Variants in BPIFA2 observed in about 807,000 individuals in gnomAD.
BPIFA2 encodes BPI fold containing family A member 2.
Under a neutral mutation model 25.7 loss-of-function variants are expected in BPIFA2, and 20 were observed. The ratio of observed to expected loss-of-function variants is 0.78; its 90% CI spans 0.55 to 1.13. The LOEUF is 1.13. BPIFA2 is among the 50% of genes most tolerant of loss of function. The pLI, the probability that BPIFA2 is intolerant of heterozygous loss-of-function variation, is 0.00. For synonymous variants in BPIFA2, 126 were observed against 124.3 expected (o/e 1.01, Z -0.09); for missense variants, 300 against 298.1 (o/e 1.01, Z -0.05).
At chr20:33,176,920 G>A (rs1220830335) in intron 5 of BPIFA2, among the ~76,000 whole-genome samples, 2 of 152,150 alleles carry the variant, frequency 1.3e-5, no homozygotes, top group Non-Finnish European at 2.9e-5. Flanking sequence ...CCACTTTGAT[G>A]GACTTTTGCA....
intron 6 of BPIFA2, 92 bp from the exon 7 acceptor site, chr20:33,179,512 G>C (rs1984198237): frequency 6.9e-6 from 7 of 1,018,330 alleles, no homozygotes; most frequent in Non-Finnish European, 1.1e-5. Context: ...GAGCTCATCT[G>C]TGGGTGGCAA....
chr20:33,178,017 G>T, intron 5 of BPIFA2, 130 bp from the exon 6 acceptor site: 1 of 612,890 alleles, frequency 1.6e-6, no homozygotes. Flanking sequence ...GGCTCTGTCT[G>T]TTAAAGTGTC....
chr20:33,162,733 G>A (rs1983616500), intron 1 of BPIFA2, among the ~76,000 whole-genome samples: 1 of 152,144 alleles, frequency 6.6e-6, no homozygotes, highest in Non-Finnish European at 1.5e-5. Flanking sequence ...CCCAAATTGA[G>A]GTCTGGCTGG....
chr20:33,176,202 A>C (rs1984070875), intron 5 of BPIFA2, among the ~76,000 whole-genome samples: 1 of 152,246 alleles, frequency 6.6e-6, no homozygotes, highest in Non-Finnish European at 1.5e-5. Context: ...TCCTGAAAGG[A>C]GATCTTGAAA....
chr20:33,167,468 T>A (rs1170263543), upstream of BPIFA2, among the ~76,000 whole-genome samples: 1 of 152,224 alleles, frequency 6.6e-6, no homozygotes, highest in East Asian at 1.9e-4. Context: ...GCCTGGTTCC[T>A]GTCCTTGCAA....
At chr20:33,172,862 C>G in intron 2 of BPIFA2, 70 bp from the exon 3 acceptor site, 1 of 1,523,708 alleles carries the variant, frequency 6.6e-7, no homozygotes, top group South Asian at 1.2e-5. Flanking sequence ...AACAGTCTTA[C>G]CCGGTACCTG....
chr20:33,167,065 C>T (rs1983748034), upstream of BPIFA2, among the ~76,000 whole-genome samples: 1 of 152,242 alleles, frequency 6.6e-6, no homozygotes, highest in African/African-American at 2.4e-5. Flanking sequence ...CTGCAGCCGC[C>T]CAGCTCTGTG....
chr20:33,166,581 G>A (rs539037149), upstream of BPIFA2, among the ~76,000 whole-genome samples: 1 of 152,308 alleles, frequency 6.6e-6, no homozygotes, highest in East Asian at 1.9e-4. Flanking sequence ...GGCTCAGCAA[G>A]GTGCGGTCTC....
At chr20:33,164,562 TTTC>T (rs1983669276), upstream of BPIFA2, among the ~76,000 whole-genome samples, 2 of 125,622 alleles carry the variant, frequency 1.6e-5, no homozygotes, top group Admixed American at 7.2e-5. Context: ...CCTCTCTCTC[TTTC>T]TTTCTTTCTT....
chr20:33,177,064 T>C (rs1984103471), intron 5 of BPIFA2, among the ~76,000 whole-genome samples: 1 of 152,150 alleles, frequency 6.6e-6, no homozygotes, highest in Non-Finnish European at 1.5e-5. Flanking sequence ...CAGCCAAAAA[T>C]GTATTGAGGC....
chr20:33,168,283 G>A (rs1394973251), intron 1 of BPIFA2, 74 bp downstream of exon 1: 3 of 152,254 alleles, frequency 2.0e-5, no homozygotes, highest in African/African-American at 7.2e-5. Context: ...GAGGCAGAGG[G>A]GTGGGATTGC....
chr20:33,170,026 C>A lies in BPIFA2; in HGVS notation c.157+724C>A, dbSNP rs1285691094. 2.6e-5 allele frequency among the ~76,000 whole-genome samples: 4 copies of A among 152,176 alleles called. 1 individual carries two copies. Among genetic ancestry groups the A allele is most frequent in the Non-Finnish European group, 5.9e-5 (4 of 68,036 alleles). On this transcript the variant is annotated intron_variant, in intron 2 of 8. Coordinates refer to ENST00000354932, the MANE Select transcript of BPIFA2 (RefSeq NM_080574.4). ...AAACAGTTTTTGTAGGAGGAGGTAA[C>A]TTCTGCAAATGGCTGCCTTTCAAAC...
At chr20:33,162,427 G>C (rs1568604854) in intron 1 of BPIFA2, among the ~76,000 whole-genome samples, 1 of 152,206 alleles carries the variant, frequency 6.6e-6, no homozygotes, top group Non-Finnish European at 1.5e-5. Flanking sequence ...CACTGTCTCA[G>C]ACAGCGGCCA....
At chr20:33,172,816 G>C in intron 2 of BPIFA2, 116 bp from the exon 3 acceptor site, 1 of 1,154,624 alleles carries the variant, frequency 8.7e-7, no homozygotes, top group South Asian at 1.7e-5. Context: ...CTACTTCACT[G>C]AGTTGTTATA....
At chr20:33,178,299 C>A in intron 6 of BPIFA2, 71 bp downstream of exon 6, 1 of 1,193,950 alleles carries the variant, frequency 8.4e-7, no homozygotes, top group Non-Finnish European at 1.2e-6. Context: ...GCAGGCCTGG[C>A]TGTATCCTCT....
Position 33,174,130 on chromosome 20 carries a change from T to C in BPIFA2, c.354T>C (p.Asp118=). The C allele has an allele frequency of 6.2e-7, 1 of 1,614,186 alleles. No individual in the cohort carries two copies. Among genetic ancestry groups the C allele is most frequent in the Non-Finnish European group, 8.5e-7 (1 of 1,180,028 alleles). ...TGGATGTCAAAGCTGAACCGATCGA[T>C]GATGGCAAAGGCCTTAACCTGAGCT... is the stretch of plus-strand genomic sequence containing the variant. ...LILDVKAEPI[D]DGKGLNLSFP... The change falls in exon 4 of 9, where the codon GAT becomes GAC. Residue 118 remains aspartate, a synonymous_variant. Transcript: ENST00000354932.
chr20:33,168,084 C>T (rs1438430463), upstream of BPIFA2: 2 of 152,244 alleles, frequency 1.3e-5, no homozygotes, highest in East Asian at 3.9e-4. Context: ...GATCCCAGAA[C>T]CAAGGCTTGC....
At chr20:33,164,070 G>A (rs2146447388), upstream of BPIFA2, among the ~76,000 whole-genome samples, 1 of 152,310 alleles carries the variant, frequency 6.6e-6, no homozygotes, top group African/African-American at 2.4e-5. Context: ...CTGCCCTGGA[G>A]TTGGCCTGTC....
intron 3 of BPIFA2, 75 bp from the exon 4 acceptor site, chr20:33,174,004 G>A (rs776008279): frequency 4.8e-6 from 6 of 1,241,434 alleles, no homozygotes; most frequent in Admixed American, 3.4e-5. Flanking sequence ...CGCTCAGCTC[G>A]AGGCTGGCCC....
Sources: gnomAD v4.1 joint callset for allele counts (sites outside exome capture counted in the v4.1 genomes callset) on GRCh38, gnomAD v4.1.1 for gene constraint, MANE v1.5 for transcripts, NCBI Gene and HGNC (gene_info 2026-07-23, HGNC 2026-07-21) for gene names.